The following HSD17B12 variants were observed in gnomAD, a reference collection of about 807,000 sequenced individuals.
HSD17B12 encodes very-long-chain 3-oxoacyl-CoA reductase.
In HSD17B12, 32 loss-of-function variants were observed where a neutral mutation model predicts 39.3. The observed-to-expected ratio is 0.81, with a 90% confidence interval of 0.61 to 1.09. HSD17B12 has a LOEUF of 1.09. HSD17B12 is among the 50% of genes least tolerant of loss of function. The pLI is 0.00. For missense variants in HSD17B12, 342 were observed against 382.9 expected (o/e 0.89, Z 0.89); for synonymous variants, 150 against 146.7 (o/e 1.02, Z -0.16).
chr11:43,718,568 A>G (rs980638665), intron 1 of HSD17B12: 19 of 457,194 alleles, frequency 4.2e-5, no homozygotes, highest in Non-Finnish European at 1.2e-5. Flanking sequence ...AAAAAGAGGA[A>G]GAATTGGAAG....
intron 3 of HSD17B12, among the ~76,000 whole-genome samples, chr11:43,775,594 T>A (rs918273266): frequency 6.6e-6 from 1 of 151,340 alleles, no homozygotes. Context: ...ATTTCTTTTT[T>A]ATTTATTTAT....
Position 43,734,149 on chromosome 11 carries a change from C to T in HSD17B12, c.161-16762C>T, listed in dbSNP as rs541803949. The stretch of plus-strand genomic sequence containing the variant: ...ACCAAATCAAGTCAGTGGTGGCACG[C>T]TTTGATGCTGGAGAACTAATCACCC... On this transcript the variant is annotated intron_variant, in intron 1 of 10. Coordinates refer to ENST00000278353, the MANE Select transcript of HSD17B12 (RefSeq NM_016142.3). 2,106 of 1,556,526 alleles carry T rather than the reference C, an allele frequency of 1.4e-3. 9 individuals are homozygous for T. The highest frequency in any genetic ancestry group is 2.3e-3 in the South Asian group (203 of 86,984).
intron 4 of HSD17B12, among the ~76,000 whole-genome samples, chr11:43,807,061 G>T (rs571138809): frequency 6.6e-6 from 1 of 152,222 alleles, no homozygotes; most frequent in African/African-American, 2.4e-5. Flanking sequence ...TATTAACAAA[G>T]ATCAGACAAA....
chr11:43,734,414 G>A (rs921768701), intron 1 of HSD17B12: 5 of 776,054 alleles, frequency 6.4e-6, no homozygotes, highest in South Asian at 1.4e-5. Context: ...TAAGGCAGCC[G>A]AGCTGATCAC....
intron 7 of HSD17B12, chr11:43,833,159 G>A (rs1305751835): frequency 1.3e-5 from 2 of 152,130 alleles, no homozygotes; most frequent in African/African-American, 4.8e-5. Flanking sequence ...CGTCTTAAGA[G>A]CTAGTGAGAA....
intron 1 of HSD17B12, among the ~76,000 whole-genome samples, chr11:43,732,551 A>C (rs1950278897): frequency 6.6e-6 from 1 of 151,720 alleles, no homozygotes; most frequent in Non-Finnish European, 1.5e-5. Flanking sequence ...CTGCCTCTTA[A>C]CTCTTAGGCC....
intron 3 of HSD17B12, among the ~76,000 whole-genome samples, chr11:43,782,669 T>C (rs11037633): frequency 0.022 from 2,915 of 134,768 alleles, 85 homozygotes; most frequent in East Asian, 0.061. Flanking sequence ...AGAGAGACTC[T>C]GTCTCAAAAA....
intron 4 of HSD17B12, among the ~76,000 whole-genome samples, chr11:43,800,436 C>T (rs1950955445): frequency 6.6e-6 from 1 of 152,180 alleles, no homozygotes; most frequent in South Asian, 2.1e-4. Flanking sequence ...TTCATGGAAA[C>T]TATAGATGCT....
rs1475120137 is a variant in HSD17B12, at chr11:43,741,739, T to TC, written c.161-9172_161-9171insC. Among the ~76,000 whole-genome samples, 10 of 149,134 alleles carry TC rather than the reference T, an allele frequency of 6.7e-5. 1 individual carries two copies. Among genetic ancestry groups the TC allele is most frequent in the Non-Finnish European group, 1.3e-4 (9 of 67,060 alleles). On this transcript the variant is annotated intron_variant, in intron 1 of 10. Coordinates refer to ENST00000278353, the MANE Select transcript of HSD17B12 (RefSeq NM_016142.3). ...GGGATTTTCTTTTTCTTTTTCTTTT[T>TC]TTTTTTTTTTTTGAGACGGGGTCTC...
At chr11:43,842,058 T>G (rs955984656) in intron 9 of HSD17B12, among the ~76,000 whole-genome samples, 1 of 152,168 alleles carries the variant, frequency 6.6e-6, no homozygotes, top group Non-Finnish European at 1.5e-5. Flanking sequence ...AATCTGGGTC[T>G]GTTTGGCACT....
the HSD17B12 span, among the ~76,000 whole-genome samples, chr11:43,660,046 GCTGCTT>G: frequency 6.6e-6 from 1 of 152,128 alleles, no homozygotes; most frequent in Admixed American, 6.5e-5. Flanking sequence ...CCAAATCACT[GCTGCTT>G]CTGTCCTTCA....
At chr11:43,785,923 C>T (rs928537109) in intron 3 of HSD17B12, among the ~76,000 whole-genome samples, 1 of 152,152 alleles carries the variant, frequency 6.6e-6, no homozygotes, top group African/African-American at 2.4e-5. Flanking sequence ...AAGATAATCA[C>T]AATTGTTAAT....
the HSD17B12 span, among the ~76,000 whole-genome samples, chr11:43,599,797 A>C: frequency 6.6e-6 from 1 of 152,172 alleles, no homozygotes; most frequent in Non-Finnish European, 1.5e-5. Flanking sequence ...AATGGATCAT[A>C]CTCTACCTGC....
At chr11:43,739,664 C>T (rs921724177) in intron 1 of HSD17B12, among the ~76,000 whole-genome samples, 1 of 149,498 alleles carries the variant, frequency 6.7e-6, no homozygotes, top group Non-Finnish European at 1.5e-5. Context: ...CTCTTAATGT[C>T]TCCACTTCTT....
intron 1 of HSD17B12, among the ~76,000 whole-genome samples, chr11:43,698,747 T>C (rs1949935810): frequency 6.6e-6 from 1 of 152,238 alleles, no homozygotes; most frequent in African/African-American, 2.4e-5. Context: ...TACAAGGCAC[T>C]GGGCCTTTTC....
At chr11:43,823,991 G>A (rs1951208173) in intron 6 of HSD17B12, among the ~76,000 whole-genome samples, 1 of 152,152 alleles carries the variant, frequency 6.6e-6, no homozygotes, top group African/African-American at 2.4e-5. Flanking sequence ...GGCCAGAGGT[G>A]GCTGACGAAC....
intron 3 of HSD17B12, among the ~76,000 whole-genome samples, chr11:43,770,953 G>C (rs1371606002): frequency 6.6e-6 from 1 of 151,950 alleles, no homozygotes; most frequent in Non-Finnish European, 1.5e-5. Flanking sequence ...TTTTGCTTTT[G>C]TCACATAACA....
intron 1 of HSD17B12, among the ~76,000 whole-genome samples, chr11:43,725,725 T>C (rs1319900023): frequency 6.6e-6 from 1 of 152,176 alleles, no homozygotes; most frequent in African/African-American, 2.4e-5. Context: ...AATATAAAAA[T>C]GGTAAGTTAT....
At chr11:43,673,311 AAT>A in the HSD17B12 span, 1 of 152,170 alleles carries the variant, frequency 6.6e-6, no homozygotes, top group Non-Finnish European at 1.5e-5. Flanking sequence ...AATATGATAC[AAT>A]ATTGTTGCTT....
Sources: allele counts gnomAD v4.1 joint callset (sites outside exome capture counted in the v4.1 genomes callset), GRCh38; gene constraint gnomAD v4.1.1; transcripts MANE v1.5; gene names NCBI Gene and HGNC (gene_info 2026-07-23, HGNC 2026-07-21).